The following SPATA6 variants were observed in gnomAD, a reference collection of about 807,000 sequenced individuals.
The protein encoded by SPATA6 is spermatogenesis associated 6.
SPATA6 carries 56 observed loss-of-function variants against 65.3 expected under a neutral mutation model. The observed-to-expected ratio is 0.86, with a 90% CI of 0.69 to 1.07. The LOEUF is 1.07. SPATA6 is among the 50% of genes least tolerant of loss of function. The pLI, the probability that SPATA6 is intolerant of heterozygous loss-of-function variation, is 0.00. For synonymous variants in SPATA6, 199 were observed against 213.2 expected, an observed-to-expected ratio of 0.93 and a Z score of 0.58; for missense variants, 590 against 594.8, an observed-to-expected ratio of 0.99 and a Z score of 0.08.
intron 1 of SPATA6, among the ~76,000 whole-genome samples, chr1:48,459,447 A>T: frequency 6.6e-6 from 1 of 152,280 alleles, no homozygotes; most frequent in Middle Eastern, 3.4e-3. Context: ...AATCAAATTA[A>T]ATTAAATATA....
At chr1:48,398,422 TA>T (rs1650810783) in intron 7 of SPATA6, among the ~76,000 whole-genome samples, 1 of 151,716 alleles carries the variant, frequency 6.6e-6, no homozygotes, top group African/African-American at 2.4e-5. Context: ...AAAAAGTTAT[TA>T]GACCACCAAA....
intron 12 of SPATA6, among the ~76,000 whole-genome samples, chr1:48,304,250 A>T (rs1295821041): frequency 2.6e-5 from 4 of 152,226 alleles, no homozygotes; most frequent in Admixed American, 2.6e-4. Context: ...TCAAGTATAT[A>T]TATAAGAGAA....
intron 9 of SPATA6, among the ~76,000 whole-genome samples, chr1:48,363,879 C>T (rs1356012359): frequency 6.6e-6 from 1 of 151,596 alleles, no homozygotes; most frequent in African/African-American, 2.4e-5. Flanking sequence ...TATACATGTG[C>T]CATGCTGGTG....
downstream of SPATA6, among the ~76,000 whole-genome samples, chr1:48,294,975 C>G (rs992542128): frequency 6.6e-6 from 1 of 152,136 alleles, no homozygotes; most frequent in African/African-American, 2.4e-5. Context: ...AGTTACCAAA[C>G]GACTGCAAAT....
In SPATA6 at chr1:48,399,553, GA is replaced by G. The variant is rs1557665230; in HGVS notation, c.577del (p.Ser193HisfsTer9). The G allele has an allele frequency of 6.2e-7, 1 of 1,612,930 alleles. No homozygotes were observed. Among genetic ancestry groups the G allele is most frequent in the Non-Finnish European group, 8.5e-7 (1 of 1,179,328 alleles). On this transcript the variant is annotated frameshift_variant, in exon 7 of 13. Transcript: ENST00000371847. LOFTEE classifies it high-confidence loss of function. The part of the protein sequence containing the change: ...TSRSQKKKSK[S>X]PERSKYCINA... ...TATACAGTATTTACTTCTCTCAGGT[GA>G]CTTGGATTTTTTCTTTTGTGATCTT... is the stretch of plus-strand genomic sequence containing the variant.
chr1:48,435,175 A>T (rs1009459581), intron 3 of SPATA6, among the ~76,000 whole-genome samples: 1 of 152,180 alleles, frequency 6.6e-6, no homozygotes, highest in Non-Finnish European at 1.5e-5. Flanking sequence ...TAAACAAGGA[A>T]CATTTTAAGT....
Position 48,385,160 on chromosome 1 carries a change from C to T in SPATA6, c.909+149G>A, listed in dbSNP as rs138599139. 693 of 757,742 alleles carry T rather than the reference C, an allele frequency of 9.1e-4. 3 individuals are homozygous for T. The African/African-American group carries it at 0.012, about 13-fold the overall frequency. 46.9% of individuals were successfully genotyped at this position (757,742 alleles called of 1,614,324 possible). On this transcript the variant is annotated intron_variant, in intron 9 of 12. Coordinates refer to ENST00000371847, the MANE Select transcript of SPATA6 (RefSeq NM_019073.4). ...TTAAATGTACTGCCTGACAAAGTAA[C>T]CAAAATAACATTATATGACAATTAT...
In SPATA6 at chr1:48,439,102, A is replaced by G. The variant is rs552915011; in HGVS notation, c.238+12450T>C. Among the ~76,000 whole-genome samples the G allele has an allele frequency of 3.9e-5, 6 of 152,236 alleles. No individual in the cohort carries two copies. In the East Asian group the frequency reaches 1.2e-3, roughly 29 times the overall value. ...TTCATTTTTGGGGCATAACATCTTT[A>G]TAAGACAGGAGAAAGGTCCCAATAC... On this transcript the variant is annotated intron_variant, in intron 3 of 12. Transcript: ENST00000371847.
In SPATA6 at chr1:48,364,415, C is replaced by T. The variant is rs188716734; in HGVS notation, c.910-4645G>A. 4.6e-3 allele frequency among the ~76,000 whole-genome samples: 694 copies of T among 152,322 alleles called. 4 individuals carry two copies. The highest frequency in any genetic ancestry group is 0.015 in the African/African-American group (620 of 41,576). Reference sequence around the variant, plus strand: ...ATGGTTGAACTAGTTTACAGTCCCACCAACAGTGTAAAAGTGTTCCTATTT... The same window carrying T: ...ATGGTTGAACTAGTTTACAGTCCCATCAACAGTGTAAAAGTGTTCCTATTT... On this transcript the variant is annotated intron_variant, in intron 9 of 12. Coordinates refer to ENST00000371847, the MANE Select transcript of SPATA6 (RefSeq NM_019073.4).
chr1:48,293,560 G>C (rs1458772451), downstream of SPATA6, among the ~76,000 whole-genome samples: 1 of 152,048 alleles, frequency 6.6e-6, no homozygotes, highest in Non-Finnish European at 1.5e-5. Context: ...TATCTTATAT[G>C]TTTTTCCCCT....
chr1:48,271,520 C>T, the SPATA6 span, among the ~76,000 whole-genome samples: 1 of 152,234 alleles, frequency 6.6e-6, no homozygotes, highest in South Asian at 2.1e-4. Flanking sequence ...CTTCTCATCT[C>T]CTATATCCAA....
chr1:48,314,667 C>A (rs1645346207), intron 11 of SPATA6, among the ~76,000 whole-genome samples: 1 of 152,064 alleles, frequency 6.6e-6, no homozygotes, highest in Admixed American at 6.5e-5. Flanking sequence ...CAAAACCTGG[C>A]AGAAGACAAG....
chr1:48,462,247 T>G (rs1457307835), intron 1 of SPATA6, among the ~76,000 whole-genome samples: 2 of 152,052 alleles, frequency 1.3e-5, no homozygotes, highest in Non-Finnish European at 2.9e-5. Context: ...TAATGCTAAA[T>G]GACGAGTTAA....
At chr1:48,322,992 C>T (rs1645643524) in intron 11 of SPATA6, among the ~76,000 whole-genome samples, 1 of 152,182 alleles carries the variant, frequency 6.6e-6, no homozygotes, top group Non-Finnish European at 1.5e-5. Flanking sequence ...GTTACTTCAA[C>T]CACTGTGGAA....
At chr1:48,336,839 A>G (rs113042947) in intron 11 of SPATA6, among the ~76,000 whole-genome samples, 3,612 of 152,098 alleles carry the variant, frequency 0.024, 39 homozygotes, top group South Asian at 0.06. Flanking sequence ...GAAAATCTTC[A>G]TATCATTCAG....
chr1:48,359,098 CT>C (rs1367643459), intron 10 of SPATA6, among the ~76,000 whole-genome samples: 2 of 152,134 alleles, frequency 1.3e-5, no homozygotes, highest in African/African-American at 4.8e-5. Flanking sequence ...GGATCAGACT[CT>C]GGTTGCCATA....
intron 12 of SPATA6, 113 bp downstream of exon 12, chr1:48,305,674 G>A (rs72891528): frequency 0.011 from 8,255 of 755,878 alleles, 201 homozygotes; most frequent in African/African-American, 0.068. Context: ...TTTACAGTTA[G>A]AAATAAATAC....
At chr1:48,435,665 G>A (rs533893221) in intron 3 of SPATA6, among the ~76,000 whole-genome samples, 37 of 152,272 alleles carry the variant, frequency 2.4e-4, no homozygotes, top group African/African-American at 6.3e-4. Flanking sequence ...CTAAAGGATC[G>A]TAAATGCACC....
chr1:48,460,604 T>C (rs1000957157), intron 1 of SPATA6, among the ~76,000 whole-genome samples: 1 of 141,890 alleles, frequency 7.0e-6, no homozygotes, highest in African/African-American at 3.1e-5. Flanking sequence ...ATGAAAGAAA[T>C]AAAAGGCACA....
Sources: allele counts gnomAD v4.1 joint callset (sites outside exome capture counted in the v4.1 genomes callset), GRCh38; gene constraint gnomAD v4.1.1; transcripts MANE v1.5; gene names NCBI Gene and HGNC (gene_info 2026-07-23, HGNC 2026-07-21).